The following RANBP2 variants were observed in gnomAD, a reference collection of about 807,000 sequenced individuals.
RANBP2 encodes E3 SUMO-protein ligase RanBP2.
RANBP2 carries 57 observed loss-of-function variants against 303.6 expected under a neutral mutation model. That is an observed-to-expected ratio of 0.19 (90% CI 0.15 to 0.23). The LOEUF is 0.23. Ranked by LOEUF, RANBP2 falls within the 10% of genes least tolerant of loss-of-function variation. RANBP2 has a pLI of 1.00. For synonymous variants in RANBP2, 1,167 were observed against 1,301.5 expected, an observed-to-expected ratio of 0.90 and a Z score of 2.23; for missense variants, 3,138 against 3,780.8, an observed-to-expected ratio of 0.83 and a Z score of 4.46.
the RANBP2 span, among the ~76,000 whole-genome samples, chr2:109,466,604 A>T: frequency 6.6e-6 from 1 of 151,514 alleles, no homozygotes; most frequent in Non-Finnish European, 1.5e-5. Flanking sequence ...TTTATTAACT[A>T]TTTCATGATT....
the RANBP2 span, among the ~76,000 whole-genome samples, chr2:109,328,573 A>G: frequency 5.3e-5 from 8 of 152,228 alleles, no homozygotes; most frequent in Admixed American, 2.6e-4. Context: ...TCGACAGTGC[A>G]TTCAGAATCA....
the RANBP2 span, among the ~76,000 whole-genome samples, chr2:109,444,005 G>A: frequency 1.3e-5 from 2 of 152,126 alleles, no homozygotes; most frequent in African/African-American, 2.4e-5. Flanking sequence ...ATATTTTTAA[G>A]TTTCAGCACA....
chr2:108,790,087 A>G (rs1470323443), downstream of RANBP2, among the ~76,000 whole-genome samples: 1 of 152,174 alleles, frequency 6.6e-6, no homozygotes. Context: ...TAAATAAGTT[A>G]ATCTGTGTAA....
the RANBP2 span, chr2:109,552,910 C>A: frequency 1.5e-6 from 1 of 672,940 alleles, no homozygotes; most frequent in Non-Finnish European, 2.3e-6. Context: ...CCAAAGTTTT[C>A]ATTTAATTTC....
In RANBP2 at chr2:108,769,166, G is replaced by A. The variant is rs58041580; in HGVS notation, c.7849+778G>A. ...AATATGTAAGACAATCAGATTGGTG[G>A]TATAAATTGAGGGATTCTGGCTTTT... is the stretch of plus-strand genomic sequence containing the variant. On this transcript the variant is annotated intron_variant, in intron 20 of 28. Coordinates refer to ENST00000283195, the MANE Select transcript of RANBP2 (RefSeq NM_006267.5). The A allele has an allele frequency of 0.012, 10,682 of 927,798 alleles. 846 individuals are homozygous for A. In the African/African-American group the frequency reaches 0.17, roughly 15 times the overall value. 57.5% of individuals were successfully genotyped at this position (927,798 alleles called of 1,614,324 possible).
the RANBP2 span, chr2:108,812,627 T>G: frequency 1.6e-5 from 26 of 1,607,900 alleles, 1 homozygote; most frequent in African/African-American, 1.5e-4. Context: ...TTTCTACCCT[T>G]TAGTTAAATG....
At chr2:108,732,172 TTA>T (rs1260690165) in intron 4 of RANBP2, among the ~76,000 whole-genome samples, 1 of 152,168 alleles carries the variant, frequency 6.6e-6, no homozygotes, top group East Asian at 1.9e-4. Flanking sequence ...TCTATCCCCA[TTA>T]TATATGTTTC....
the RANBP2 span, among the ~76,000 whole-genome samples, chr2:109,053,402 C>G: frequency 5.9e-5 from 9 of 152,316 alleles, no homozygotes; most frequent in African/African-American, 2.2e-4. Context: ...AGAGGAATGG[C>G]CTGGACAGCT....
chr2:109,509,901 A>T, the RANBP2 span, among the ~76,000 whole-genome samples: 1 of 152,222 alleles, frequency 6.6e-6, no homozygotes, highest in Non-Finnish European at 1.5e-5. Flanking sequence ...AGTTAAATTA[A>T]TCAAAATAAC....
chr2:109,196,490 A>G, the RANBP2 span, among the ~76,000 whole-genome samples: 3 of 152,156 alleles, frequency 2.0e-5, no homozygotes, highest in African/African-American at 7.2e-5. Flanking sequence ...ACTCCCTTCC[A>G]GTCTGTTTCT....
At chr2:108,839,706 T>A in the RANBP2 span, among the ~76,000 whole-genome samples, 1 of 152,132 alleles carries the variant, frequency 6.6e-6, no homozygotes, top group Non-Finnish European at 1.5e-5. Flanking sequence ...AGTAAAATTG[T>A]TTTTTGTTTA....
chr2:109,632,550 A>G, the RANBP2 span, among the ~76,000 whole-genome samples: 1 of 152,224 alleles, frequency 6.6e-6, no homozygotes. Flanking sequence ...GCAGTGGCTC[A>G]CGCCTATAAT....
rs763114639 is a variant in RANBP2, at chr2:108,762,225, A to G, written c.2697+30A>G. 2.0e-5 allele frequency: 31 copies of G among 1,522,232 alleles called. 1 individual carries two copies. In the African/African-American group the frequency reaches 2.0e-4, roughly 10 times the overall value. 94.3% of individuals were successfully genotyped at this position (1,522,232 alleles called of 1,614,324 possible). ...CAAAGGAATAATTTATACATTTATA[A>G]TTATTTCCTTTTTAAATTGTTTAGG... is the stretch of plus-strand genomic sequence containing the variant. On this transcript the variant is annotated intron_variant, in intron 19 of 28. Transcript: ENST00000283195.
At chr2:109,083,399 G>A in the RANBP2 span, among the ~76,000 whole-genome samples, 3 of 152,204 alleles carry the variant, frequency 2.0e-5, no homozygotes. Flanking sequence ...AGTATTTGTC[G>A]TTTAGTGACC....
the RANBP2 span, among the ~76,000 whole-genome samples, chr2:108,951,127 C>T: frequency 6.6e-6 from 1 of 152,230 alleles, no homozygotes. Context: ...TTCTCAGCAT[C>T]CTGAGAGGAT....
the RANBP2 span, chr2:109,565,835 C>T: frequency 6.2e-7 from 1 of 1,614,076 alleles, no homozygotes; most frequent in Non-Finnish European, 8.5e-7. Context: ...TCCATACTTC[C>T]CACAACAGCA....
At chr2:108,797,519 T>A in the RANBP2 span, among the ~76,000 whole-genome samples, 1 of 151,892 alleles carries the variant, frequency 6.6e-6, no homozygotes, top group Non-Finnish European at 1.5e-5. Flanking sequence ...ATGTAGATGG[T>A]TGTAAAGGGG....
chr2:108,795,150 ATT>A, the RANBP2 span, among the ~76,000 whole-genome samples: 1 of 85,010 alleles, frequency 1.2e-5, no homozygotes, highest in Admixed American at 1.8e-4. Context: ...TCTAAAGTGT[ATT>A]TTTTTTTTTT....
At chr2:109,576,738 G>A in the RANBP2 span, among the ~76,000 whole-genome samples, 22 of 152,182 alleles carry the variant, frequency 1.4e-4, no homozygotes, top group South Asian at 2.5e-3. Flanking sequence ...CATGAAAACC[G>A]TAAAGATTTT....
Sources: allele counts gnomAD v4.1 joint callset (sites outside exome capture counted in the v4.1 genomes callset), GRCh38; gene constraint gnomAD v4.1.1; transcripts MANE v1.5; gene names NCBI Gene and HGNC (gene_info 2026-07-23, HGNC 2026-07-21).